Variants in CNTNAP2 observed in about 807,000 individuals in gnomAD.
CNTNAP2 encodes the protein contactin-associated protein-like 2.
Under a neutral mutation model 155.2 loss-of-function variants are expected in CNTNAP2, and 98 were observed. That is an observed-to-expected ratio of 0.63 (90% CI 0.54 to 0.75). CNTNAP2 has a LOEUF of 0.75. CNTNAP2 is among the 30% of genes least tolerant of loss of function. The probability of loss-of-function intolerance (pLI) is 0.00; values close to 1 mark genes in which losing one functional copy is unlikely to be tolerated. For synonymous variants in CNTNAP2, 651 were observed against 631.2 expected (o/e 1.03, Z -0.47); for missense variants, 1,727 against 1,688.1 (o/e 1.02, Z -0.40).
Position 146,588,421 on chromosome 7 carries a change from T to A in CNTNAP2, c.98-185850T>A, listed in dbSNP as rs534879231. On this transcript the variant is annotated intron_variant, in intron 1 of 23. Transcript: ENST00000361727. ...GACTGAGATACAACTTTTTAAAATA[T>A]TTTTCTGTCATTTCAAAATATATTT... Among the ~76,000 whole-genome samples the A allele has an allele frequency of 2.2e-4, 33 of 152,252 alleles. No individual in the cohort carries two copies. In the East Asian group the frequency reaches 5.6e-3, roughly 26 times the overall value.
chr7:147,506,434 T>C (rs889868279), intron 11 of CNTNAP2, among the ~76,000 whole-genome samples: 1 of 152,144 alleles, frequency 6.6e-6, no homozygotes, highest in Non-Finnish European at 1.5e-5. Flanking sequence ...TTTATATTTT[T>C]AGTAGAGACA....
At chr7:147,445,586 A>G (rs1254271234) in intron 10 of CNTNAP2, among the ~76,000 whole-genome samples, 1 of 152,238 alleles carries the variant, frequency 6.6e-6, no homozygotes, top group African/African-American at 2.4e-5. Context: ...CAAAGTACTT[A>G]ACAAATGTTA....
At chr7:148,084,969 C>G (rs1456337409) in intron 15 of CNTNAP2, among the ~76,000 whole-genome samples, 2 of 152,310 alleles carry the variant, frequency 1.3e-5, no homozygotes, top group African/African-American at 4.8e-5. Context: ...TTATGTGTTA[C>G]CCACGACAGT....
At chr7:147,026,425 A>G (rs571719328) in intron 3 of CNTNAP2, among the ~76,000 whole-genome samples, 30 of 152,304 alleles carry the variant, frequency 2.0e-4, no homozygotes, top group African/African-American at 7.0e-4. Flanking sequence ...GAAAAACATG[A>G]ATGACATATG....
At chr7:146,196,697 T>C (rs1264774318) in intron 1 of CNTNAP2, among the ~76,000 whole-genome samples, 2 of 152,046 alleles carry the variant, frequency 1.3e-5, no homozygotes, top group African/African-American at 4.8e-5. Flanking sequence ...AAACTATAAA[T>C]AGTTCAGCAG....
chr7:148,222,577 T>TCATTCCATGAATCTATGAATGGAA (rs1241285962), intron 19 of CNTNAP2, among the ~76,000 whole-genome samples: 1 of 151,932 alleles, frequency 6.6e-6, no homozygotes, highest in Non-Finnish European at 1.5e-5. Flanking sequence ...TATGAATGGA[T>TCATTCCATGAATCTATGAATGGAA]CATTCCATTC....
chr7:146,864,722 G>T (rs1795168329), intron 3 of CNTNAP2, among the ~76,000 whole-genome samples: 1 of 151,972 alleles, frequency 6.6e-6, no homozygotes, highest in African/African-American at 2.4e-5. Context: ...GGGCGCGGTG[G>T]CTCAAGCCTG....
intron 11 of CNTNAP2, among the ~76,000 whole-genome samples, chr7:147,541,049 A>T (rs1799630246): frequency 1.3e-5 from 2 of 152,226 alleles, no homozygotes; most frequent in African/African-American, 4.8e-5. Context: ...AATGAGTTTT[A>T]GTGCTTATAG....
intron 11 of CNTNAP2, among the ~76,000 whole-genome samples, chr7:147,508,779 C>A (rs1584779740): frequency 6.6e-6 from 1 of 152,180 alleles, no homozygotes; most frequent in African/African-American, 2.4e-5. Flanking sequence ...TGCACACTCT[C>A]TCTTGCCTGA....
intron 13 of CNTNAP2, among the ~76,000 whole-genome samples, chr7:147,859,938 A>T (rs564717349): frequency 2.0e-4 from 30 of 152,344 alleles, no homozygotes; most frequent in African/African-American, 7.2e-4. Flanking sequence ...CTGATATTGC[A>T]AACTGGCAAT....
chr7:146,171,902 A>C (rs1341432699), intron 1 of CNTNAP2, among the ~76,000 whole-genome samples: 1 of 152,032 alleles, frequency 6.6e-6, no homozygotes, highest in African/African-American at 2.4e-5. Context: ...TCATGTCATT[A>C]ATTCAGCTAA....
intron 2 of CNTNAP2, among the ~76,000 whole-genome samples, chr7:146,795,553 C>T (rs954159407): frequency 1.3e-4 from 20 of 152,272 alleles, no homozygotes; most frequent in Middle Eastern, 3.4e-3. Context: ...CACAGGGAAG[C>T]TCTTGAGATA....
chr7:147,381,208 T>G (rs960943047), intron 9 of CNTNAP2, among the ~76,000 whole-genome samples: 3 of 152,152 alleles, frequency 2.0e-5, no homozygotes, highest in Non-Finnish European at 4.4e-5. Flanking sequence ...TTGGGTATTA[T>G]TAATTCCTGC....
At chr7:148,360,810 C>CTTTTTTTTT (rs1177933137) in intron 21 of CNTNAP2, among the ~76,000 whole-genome samples, 1 of 138,584 alleles carries the variant, frequency 7.2e-6, no homozygotes, top group African/African-American at 2.6e-5. Flanking sequence ...TCTTTTTTTT[C>CTTTTTTTTT]TTTTTCTTTT....
At chr7:146,870,522 A>T (rs1585130771) in intron 3 of CNTNAP2, among the ~76,000 whole-genome samples, 1 of 152,172 alleles carries the variant, frequency 6.6e-6, no homozygotes, top group Non-Finnish European at 1.5e-5. Flanking sequence ...TTTAGACAAG[A>T]TACTAACTTT....
chr7:146,395,461 T>G (rs1466868254), intron 1 of CNTNAP2, among the ~76,000 whole-genome samples: 1 of 151,854 alleles, frequency 6.6e-6, no homozygotes, highest in Non-Finnish European at 1.5e-5. Flanking sequence ...TAGTTTTTTT[T>G]GTTGCATCCC....
chr7:147,747,466 A>G (rs1797063968), intron 13 of CNTNAP2, among the ~76,000 whole-genome samples: 1 of 152,206 alleles, frequency 6.6e-6, no homozygotes, highest in Non-Finnish European at 1.5e-5. Context: ...TCTTGCATAT[A>G]TACACTACAT....
At chr7:146,937,364 A>AT (rs1554412070) in intron 3 of CNTNAP2, among the ~76,000 whole-genome samples, 1 of 147,286 alleles carries the variant, frequency 6.8e-6, no homozygotes, top group African/African-American at 2.5e-5. Context: ...AAAAAAAAAT[A>AT]AAAATAAAAT....
chr7:147,516,380 T>C (rs851832), intron 11 of CNTNAP2, among the ~76,000 whole-genome samples: 101,456 of 152,070 alleles, frequency 0.67, 34,291 homozygotes, highest in South Asian at 0.77. Context: ...TTATTGCTTA[T>C]TTCCGTGTTA....
Sources: gnomAD v4.1 joint callset for allele counts (sites outside exome capture counted in the v4.1 genomes callset) on GRCh38, gnomAD v4.1.1 for gene constraint, MANE v1.5 for transcripts, NCBI Gene and HGNC (gene_info 2026-07-23, HGNC 2026-07-21) for gene names.